The following CEP135 variants were observed in gnomAD, a reference collection of about 807,000 sequenced individuals.
The protein encoded by CEP135 is centrosomal protein 135.
CEP135 carries 142 observed loss-of-function variants against 157.3 expected under a neutral mutation model. The ratio of observed to expected loss-of-function variants is 0.90; its 90% CI spans 0.79 to 1.04. The LOEUF is 1.04. Ranked by LOEUF, CEP135 falls within the 50% of genes least tolerant of loss-of-function variation. The pLI, the probability that CEP135 is intolerant of heterozygous loss-of-function variation, is 0.00. For missense variants in CEP135, 1,317 were observed against 1,309.2 expected (o/e 1.01, Z -0.09); for synonymous variants, 396 against 439.8 (o/e 0.90, Z 1.25).
chr4:56,000,499 C>G (rs1730130659), intron 17 of CEP135, among the ~76,000 whole-genome samples: 1 of 152,128 alleles, frequency 6.6e-6, no homozygotes, highest in Non-Finnish European at 1.5e-5. Flanking sequence ...CCTCCCTCAT[C>G]CTTTTACTGG....
At chr4:56,026,902 C>A (rs1016402048) in intron 25 of CEP135, among the ~76,000 whole-genome samples, 3 of 152,178 alleles carry the variant, frequency 2.0e-5, no homozygotes, top group African/African-American at 7.2e-5. Context: ...TAAATTGATA[C>A]ATTTCTTTGC....
intron 16 of CEP135, 27 bp from the exon 17 acceptor site, chr4:55,999,464 C>G: frequency 6.2e-7 from 1 of 1,612,402 alleles, no homozygotes; most frequent in South Asian, 1.1e-5. Context: ...TGTACTTTGT[C>G]TAACAAACAT....
Position 55,998,052 on chromosome 4 carries a change from T to A in CEP135, c.2010-1250T>A, listed in dbSNP as rs549009249. ...CAGTCAGGGTCATGTGTTTTGTCTT[T>A]CAGAATACCTCAATACTGCCAGTAA... On this transcript the variant is annotated intron_variant, in intron 15 of 25. Transcript: ENST00000257287. Among the ~76,000 whole-genome samples the A allele has an allele frequency of 2.0e-5, 3 of 152,348 alleles. No individual in the cohort carries two copies. In the East Asian group the frequency reaches 5.8e-4, roughly 29 times the overall value.
rs1192692600 is a variant in CEP135 at position 56,032,371 on chromosome 4, G to C, written c.*1023G>C. ...GAGGCAGGAGAATTGCTTGAACCCG[G>C]GAGGTGGAGGCTGCGGTGAGCCAAG... On this transcript the variant is annotated 3_prime_UTR_variant, in exon 26 of 26. Coordinates refer to ENST00000257287, the MANE Select transcript of CEP135 (RefSeq NM_025009.5). 1 of 152,054 alleles carries C rather than the reference G, an allele frequency of 6.6e-6. No homozygotes were observed. Among genetic ancestry groups the C allele is most frequent in the East Asian group, 1.9e-4 (1 of 5,190 alleles). The allele number at this position is 152,054 out of a possible 1,614,324, so 9.4% of individuals were successfully genotyped here.
chr4:55,999,137 AAAT>A (rs1272188464), intron 15 of CEP135, among the ~76,000 whole-genome samples, 162 bp from the exon 16 acceptor site: 7 of 152,232 alleles, frequency 4.6e-5, no homozygotes, highest in African/African-American at 1.7e-4. Context: ...GGACAGCAAG[AAAT>A]AATAATATAT....
At chr4:56,003,289 GCCGCC>G (rs2109719443) in intron 17 of CEP135, among the ~76,000 whole-genome samples, 1 of 152,032 alleles carries the variant, frequency 6.6e-6, no homozygotes, top group East Asian at 1.9e-4. Flanking sequence ...CCGGGTTCAT[GCCGCC>G]TCCCGGGTTC....
At chr4:55,994,686 C>CTTTT (rs1167874369) in intron 15 of CEP135, among the ~76,000 whole-genome samples, 2 of 139,914 alleles carry the variant, frequency 1.4e-5, no homozygotes, top group Non-Finnish European at 3.1e-5. Flanking sequence ...CAAGCATAAT[C>CTTTT]TTTTTTTTTT....
chr4:55,977,776 C>T (rs1337747028), intron 11 of CEP135, among the ~76,000 whole-genome samples: 1 of 152,200 alleles, frequency 6.6e-6, no homozygotes, highest in Non-Finnish European at 1.5e-5. Context: ...TTAAAACATT[C>T]CTCCAGACTA....
intron 14 of CEP135, among the ~76,000 whole-genome samples, chr4:55,989,832 C>T (rs1729726110): frequency 1.3e-5 from 2 of 152,252 alleles, no homozygotes; most frequent in Non-Finnish European, 1.5e-5. Context: ...CCTAGGAGTG[C>T]AAACTTCATA....
At chr4:55,956,276 A>G (rs193098272) in intron 4 of CEP135, among the ~76,000 whole-genome samples, 10 of 152,324 alleles carry the variant, frequency 6.6e-5, no homozygotes, top group Admixed American at 6.5e-4. Flanking sequence ...GTTCTTCACA[A>G]GGATCTGCTG....
Position 55,953,205 on chromosome 4 carries a change from G to T in CEP135, c.234G>T (p.Leu78Phe). Residue 78 changes from leucine to phenylalanine, a missense_variant, in exon 3 of 26, where the codon TTG (leucine) becomes TTT (phenylalanine). By Grantham distance (22) the Leu-to-Phe change is conservative. Coordinates refer to ENST00000257287, the MANE Select transcript of CEP135 (RefSeq NM_025009.5). ...LEPYKLENAR[L>F]SRENNELYLE... ...CCTATAAACTTGAAAATGCAAGATT[G>T]AGTAGAGAAAATAATGAATTATACC... The T allele has an allele frequency of 6.2e-7, 1 of 1,601,424 alleles. No individual in the cohort carries two copies. The highest frequency in any genetic ancestry group is 1.1e-5 in the South Asian group (1 of 87,872).
At chr4:55,988,904 T>TGAGCC (rs1254168440) in intron 14 of CEP135, among the ~76,000 whole-genome samples, 6 of 147,662 alleles carry the variant, frequency 4.1e-5, no homozygotes, top group African/African-American at 1.3e-4. Flanking sequence ...GAGCTTGCAG[T>TGAGCC]GAGCCGAGCC....
chr4:55,995,474 A>G (rs562526589), intron 15 of CEP135, among the ~76,000 whole-genome samples: 1 of 152,248 alleles, frequency 6.6e-6, no homozygotes, highest in Non-Finnish European at 1.5e-5. Context: ...TCTCGCTTGG[A>G]CACCCTGTTA....
intron 25 of CEP135, among the ~76,000 whole-genome samples, chr4:56,026,495 ATTG>A (rs947263918): frequency 2.0e-5 from 3 of 152,038 alleles, no homozygotes; most frequent in African/African-American, 7.2e-5. Flanking sequence ...ATCCATCCAT[ATTG>A]TTGTGTGTAC....
intron 14 of CEP135, among the ~76,000 whole-genome samples, chr4:55,987,447 A>T (rs1373911229): frequency 6.6e-6 from 1 of 152,030 alleles, no homozygotes; most frequent in Non-Finnish European, 1.5e-5. Flanking sequence ...CTGTCTTCTG[A>T]ACTTGGGGCA....
In CEP135 at chr4:56,020,755, C is replaced by CA. The variant is rs1468930570; in HGVS notation, c.3296dup (p.Ile1100AspfsTer4). ...AACAGATTATGATGCTCTGAAAAGG[C>CA]AGATCTCAACTGAAAGATACGAACG... On this transcript the variant is annotated frameshift_variant, in exon 24 of 26. Coordinates refer to ENST00000257287, the MANE Select transcript of CEP135 (RefSeq NM_025009.5). LOFTEE classifies it high-confidence loss of function. 1 of 1,613,172 alleles carries CA rather than the reference C, an allele frequency of 6.2e-7. No homozygotes were observed. The highest frequency in any genetic ancestry group is 8.5e-7 in the Non-Finnish European group (1 of 1,179,596).
Position 56,011,971 on chromosome 4 carries a change from A to G in CEP135, c.2788A>G (p.Lys930Glu). ...TCGAGAAAGAGTGGAGCTATTAGAA[A>G]AAGAAATTCAAGAGGTAATATATTT... The part of the protein sequence containing the change: ...HLRERVELLE[K>E]EIQEHINAHH... The change falls in exon 21 of 26, where the codon AAA (lysine) becomes GAA (glutamate). Residue 930 changes from lysine to glutamate, a missense_variant. By Grantham distance (56) the Lys-to-Glu change is moderately conservative (BLOSUM62 1). Coordinates refer to ENST00000257287, the MANE Select transcript of CEP135 (RefSeq NM_025009.5). 6.5e-7 allele frequency: 1 copy of G among 1,541,680 alleles called. No individual in the cohort carries two copies. Among genetic ancestry groups the G allele is most frequent in the Non-Finnish European group, 8.7e-7 (1 of 1,147,164 alleles).
chr4:55,952,107 A>G lies in CEP135; in HGVS notation c.-24A>G, dbSNP rs1577860471. On this transcript the variant is annotated 5_prime_UTR_variant, in exon 2 of 26. Transcript: ENST00000257287. ...TCAGGACTTTAATTTTTGGAAGTGAATAAAACTTGTTTTAGAAGACGAGAT... is the reference window on the plus strand; with the variant it reads ...TCAGGACTTTAATTTTTGGAAGTGAGTAAAACTTGTTTTAGAAGACGAGAT... The G allele has an allele frequency of 7.6e-7, 1 of 1,313,454 alleles. No individual in the cohort carries two copies. The highest frequency in any genetic ancestry group is 1.1e-6 in the Non-Finnish European group (1 of 921,636). 81.4% of individuals were successfully genotyped at this position (1,313,454 alleles called of 1,614,324 possible).
At chr4:56,018,611 TAGTC>T (rs759848309) in intron 22 of CEP135, among the ~76,000 whole-genome samples, 30 of 151,988 alleles carry the variant, frequency 2.0e-4, no homozygotes, top group Non-Finnish European at 4.4e-4. Flanking sequence ...TACAAAGAAT[TAGTC>T]AGGCATGTGG....
Sources: allele counts gnomAD v4.1 joint callset (sites outside exome capture counted in the v4.1 genomes callset), GRCh38; gene constraint gnomAD v4.1.1; transcripts MANE v1.5; gene names NCBI Gene and HGNC (gene_info 2026-07-23, HGNC 2026-07-21).